RNGTT: variants seen among roughly 807,000 people sequenced by gnomAD.
RNGTT encodes the protein RNA guanylyltransferase and 5'-phosphatase.
In RNGTT, 33 loss-of-function variants were observed where a neutral mutation model predicts 79.3. The observed-to-expected ratio is 0.42, with a 90% CI of 0.32 to 0.56. The LOEUF is 0.56. Ranked by LOEUF, RNGTT falls within the 20% of genes least tolerant of loss-of-function variation. The pLI is 0.17. For missense variants in RNGTT, 497 were observed against 739.1 expected (o/e 0.67, Z 3.80); for synonymous variants, 222 against 235.9 (o/e 0.94, Z 0.54).
intron 13 of RNGTT, among the ~76,000 whole-genome samples, chr6:88,759,598 C>A (rs1344587481): frequency 2.6e-5 from 4 of 151,992 alleles, no homozygotes; most frequent in African/African-American, 9.7e-5. Context: ...AATTCTAATC[C>A]ATCTCACAGA....
At chr6:88,711,256 T>A (rs1329004877) in intron 13 of RNGTT, among the ~76,000 whole-genome samples, 2 of 152,192 alleles carry the variant, frequency 1.3e-5, no homozygotes, top group African/African-American at 2.4e-5. Context: ...CATAATTACA[T>A]CTTCCAATTA....
chr6:88,949,172 A>AAAAAAAAAAAAAAAAAC (rs1785153777), intron 1 of RNGTT, among the ~76,000 whole-genome samples: 1 of 146,086 alleles, frequency 6.8e-6, no homozygotes, highest in South Asian at 2.1e-4. Context: ...AAAAAAAAAA[A>AAAAAAAAAAAAAAAAAC]AAAAAAGAAA....
chr6:88,778,176 T>TA (rs1226613316), intron 12 of RNGTT, among the ~76,000 whole-genome samples: 1 of 151,938 alleles, frequency 6.6e-6, no homozygotes, highest in South Asian at 2.1e-4. Flanking sequence ...GAGTACAAAG[T>TA]AAAAAAAGAA....
chr6:88,919,971 G>A (rs1286531717), intron 4 of RNGTT, among the ~76,000 whole-genome samples: 1 of 152,136 alleles, frequency 6.6e-6, no homozygotes, highest in Non-Finnish European at 1.5e-5. Flanking sequence ...TTACAGGCGT[G>A]AGCCACTGCA....
chr6:88,814,734 C>T (rs1407482557), intron 11 of RNGTT, among the ~76,000 whole-genome samples: 1 of 151,436 alleles, frequency 6.6e-6, no homozygotes, highest in Non-Finnish European at 1.5e-5. Flanking sequence ...AAAAATACAA[C>T]TAAACTGCAT....
intron 13 of RNGTT, among the ~76,000 whole-genome samples, chr6:88,692,881 T>C (rs934645393): frequency 4.0e-5 from 6 of 151,898 alleles, no homozygotes; most frequent in Admixed American, 2.0e-4. Context: ...TCACAGACCA[T>C]ACAGCGAAAT....
chr6:88,941,563 C>T (rs1157712051), intron 1 of RNGTT, among the ~76,000 whole-genome samples: 1 of 152,116 alleles, frequency 6.6e-6, no homozygotes, highest in African/African-American at 2.4e-5. Flanking sequence ...CCACCGCACC[C>T]AGCCTCTTAA....
At chr6:88,842,456 T>C (rs1273677263) in intron 11 of RNGTT, among the ~76,000 whole-genome samples, 1 of 150,332 alleles carries the variant, frequency 6.7e-6, no homozygotes, top group Non-Finnish European at 1.5e-5. Context: ...ATACTAAAAA[T>C]AATAACAAAG....
chr6:88,941,097 G>A lies in RNGTT; in HGVS notation c.148C>T (p.Leu50Phe), dbSNP rs1784829943. The change falls in exon 2 of 16, where the codon CTC becomes TTC. Residue 50 changes from leucine (L) to phenylalanine (F), a missense_variant. By Grantham distance (22) the Leu-to-Phe change is conservative. Transcript: ENST00000369485. ...TTTAGGCTCTTTAGGTAATTTGAGA[G>A]CATGCTGGGATGGAACCGATTTTCT... ...AEENRFHPSM[L>F]SNYLKSLKVK... 6.2e-7 allele frequency: 1 copy of A among 1,611,526 alleles called. No individual in the cohort carries two copies. The highest frequency in any genetic ancestry group is 2.2e-5 in the East Asian group (1 of 44,826).
chr6:88,715,172 T>C (rs1347073192), intron 13 of RNGTT, among the ~76,000 whole-genome samples: 3 of 151,970 alleles, frequency 2.0e-5, no homozygotes, highest in South Asian at 2.1e-4. Flanking sequence ...ACACCAATAA[T>C]AGACAAACAG....
At chr6:88,761,197 C>A (rs1778228249) in intron 13 of RNGTT, among the ~76,000 whole-genome samples, 1 of 151,938 alleles carries the variant, frequency 6.6e-6, no homozygotes, top group Non-Finnish European at 1.5e-5. Context: ...GTTAACAAAC[C>A]AGAACCTTCT....
chr6:88,728,879 G>T (rs1050360382), intron 13 of RNGTT, among the ~76,000 whole-genome samples: 2 of 152,212 alleles, frequency 1.3e-5, no homozygotes, highest in African/African-American at 4.8e-5. Context: ...AGATGCAAAT[G>T]CCTGGTTGAA....
intron 14 of RNGTT, among the ~76,000 whole-genome samples, chr6:88,635,239 T>C (rs1403414515): frequency 6.6e-6 from 1 of 152,118 alleles, no homozygotes; most frequent in Non-Finnish European, 1.5e-5. Context: ...ATGTATATGA[T>C]AAACATGTAT....
intron 12 of RNGTT, among the ~76,000 whole-genome samples, chr6:88,783,090 T>C (rs1333754301): frequency 1.3e-5 from 2 of 152,142 alleles, no homozygotes; most frequent in African/African-American, 4.8e-5. Context: ...AGATATCTGC[T>C]CTCTCCCATT....
chr6:88,644,941 A>C (rs901328587), intron 14 of RNGTT, among the ~76,000 whole-genome samples: 1 of 152,198 alleles, frequency 6.6e-6, no homozygotes, highest in African/African-American at 2.4e-5. Flanking sequence ...GAAAACTGGC[A>C]CAAGACAGGG....
chr6:88,806,084 C>T (rs1779943522), intron 11 of RNGTT, among the ~76,000 whole-genome samples: 1 of 152,104 alleles, frequency 6.6e-6, no homozygotes, highest in Non-Finnish European at 1.5e-5. Flanking sequence ...ATACTTACCT[C>T]AGTCTCTTTT....
intron 8 of RNGTT, among the ~76,000 whole-genome samples, chr6:88,887,223 T>C (rs1386317033): frequency 6.6e-6 from 1 of 152,150 alleles, no homozygotes; most frequent in Non-Finnish European, 1.5e-5. Context: ...CGAGATATAA[T>C]AAATTGCCAT....
chr6:88,852,494 C>T (rs920057439), intron 9 of RNGTT, among the ~76,000 whole-genome samples: 6 of 151,844 alleles, frequency 4.0e-5, no homozygotes, highest in African/African-American at 1.5e-4. Context: ...ACTATACAAC[C>T]CCAAGGGTAC....
chr6:88,813,126 T>G (rs552780806), intron 11 of RNGTT, among the ~76,000 whole-genome samples: 2 of 152,222 alleles, frequency 1.3e-5, no homozygotes, highest in Admixed American at 1.3e-4. Flanking sequence ...AGAAACAAAT[T>G]GCTGAAACGC....
Sources: allele counts gnomAD v4.1 joint callset (sites outside exome capture counted in the v4.1 genomes callset), GRCh38; gene constraint gnomAD v4.1.1; transcripts MANE v1.5; gene names NCBI Gene and HGNC (gene_info 2026-07-23, HGNC 2026-07-21).